FGF13: variants seen among roughly 807,000 people sequenced by gnomAD.
FGF13 encodes fibroblast growth factor homologous factor 2.
FGF13 carries 2 observed loss-of-function variants against 19.5 expected under a neutral mutation model. The ratio of observed to expected loss-of-function variants is 0.10; its 90% confidence interval spans 0.04 to 0.32. FGF13 has a LOEUF of 0.32. Ranked by LOEUF, FGF13 falls within the 10% of genes least tolerant of loss-of-function variation. FGF13 has a pLI of 1.00. For missense variants in FGF13, 113 were observed against 192.7 expected (o/e 0.59, Z 2.45); for synonymous variants, 72 against 76.9 (o/e 0.94, Z 0.33).
intron 1 of FGF13, among the ~76,000 whole-genome samples, chrX:138,995,775 G>T (rs1438576576): frequency 1.8e-5 from 2 of 112,283 alleles, no homozygotes; most frequent in African/African-American, 6.5e-5. Flanking sequence ...ACATCTGTGT[G>T]CATGTGTCTT....
chrX:139,056,767 C>T (rs2092321669), intron 1 of FGF13, among the ~76,000 whole-genome samples: 1 of 111,825 alleles, frequency 8.9e-6, no homozygotes, highest in African/African-American at 3.3e-5. Flanking sequence ...TGAAAAGTCA[C>T]TTTAAGTTTT....
chrX:139,150,550 TC>T (rs1160994106), intron 1 of FGF13, among the ~76,000 whole-genome samples: 1 of 111,694 alleles, frequency 9.0e-6, no homozygotes, highest in Non-Finnish European at 1.9e-5. Flanking sequence ...TAGTGAATCT[TC>T]TTTTTCCTGT....
chrX:138,723,806 G>T (rs941733877), intron 1 of FGF13, among the ~76,000 whole-genome samples: 4 of 112,039 alleles, frequency 3.6e-5, no homozygotes, highest in African/African-American at 1.3e-4. Context: ...TACTCAGGGG[G>T]TGATCATCTG....
At chrX:138,935,266 G>A (rs1035615780) in intron 1 of FGF13, among the ~76,000 whole-genome samples, 6 of 111,113 alleles carry the variant, frequency 5.4e-5, no homozygotes, top group South Asian at 3.8e-4. Flanking sequence ...CTGGGACGCT[G>A]AGCGTTTGAG....
At chrX:138,837,664 C>T (rs770188619) in intron 3 of FGF13, among the ~76,000 whole-genome samples, 1 of 112,062 alleles carries the variant, frequency 8.9e-6, no homozygotes, top group African/African-American at 3.2e-5. Context: ...GGAGGTTCTG[C>T]CCCATGAGGA....
intron 1 of FGF13, among the ~76,000 whole-genome samples, chrX:138,723,882 C>T (rs2090166208): frequency 9.0e-6 from 1 of 111,655 alleles, no homozygotes; most frequent in Non-Finnish European, 1.9e-5. Flanking sequence ...GGTGCTTCAA[C>T]ATATGTTATT....
At chrX:138,747,927 G>C (rs1377646355) in intron 3 of FGF13, among the ~76,000 whole-genome samples, 1 of 110,689 alleles carries the variant, frequency 9.0e-6, no homozygotes, top group African/African-American at 3.3e-5. Flanking sequence ...GCTTGACCTG[G>C]AGAGAATGGA....
intron 1 of FGF13, among the ~76,000 whole-genome samples, chrX:138,991,929 G>T (rs2092017499): frequency 9.0e-6 from 1 of 111,634 alleles, no homozygotes; most frequent in Admixed American, 9.6e-5. Context: ...CAATAAGGAG[G>T]AGTAATTCCC....
intron 1 of FGF13, among the ~76,000 whole-genome samples, chrX:138,917,559 T>C (rs2124237192): frequency 8.9e-6 from 1 of 112,115 alleles, no homozygotes; most frequent in African/African-American, 3.2e-5. Flanking sequence ...ACACTTCACT[T>C]TACTTTTTGA....
chrX:139,204,208 G>A, upstream of FGF13: 1 of 785,765 alleles, frequency 1.3e-6, no homozygotes. Flanking sequence ...TCGACCACGA[G>A]CTCCCCTCGG....
intron 1 of FGF13, among the ~76,000 whole-genome samples, chrX:139,133,157 G>C (rs994814815): frequency 2.7e-5 from 3 of 110,105 alleles, no homozygotes; most frequent in Non-Finnish European, 5.7e-5. Flanking sequence ...ATTTGACCAT[G>C]GATTCTTTCA....
At chrX:139,121,214 C>A (rs192082544) in intron 1 of FGF13, among the ~76,000 whole-genome samples, 1 of 111,970 alleles carries the variant, frequency 8.9e-6, no homozygotes, top group East Asian at 2.8e-4. Context: ...ATGAAAAGAT[C>A]AGACAGGATT....
At chrX:139,033,604 T>A (rs1025204492) in intron 1 of FGF13, among the ~76,000 whole-genome samples, 2 of 112,095 alleles carry the variant, frequency 1.8e-5, no homozygotes. Flanking sequence ...AGGGTCTTGC[T>A]TACAAGGCAA....
At chrX:138,657,710 T>C (rs1239157239) in intron 3 of FGF13, among the ~76,000 whole-genome samples, 1 of 111,894 alleles carries the variant, frequency 8.9e-6, no homozygotes, top group Non-Finnish European at 1.9e-5. Context: ...AATCCACACT[T>C]GATCTTAGCC....
At chrX:138,860,467 T>C (rs1403263544) in intron 2 of FGF13, among the ~76,000 whole-genome samples, 1 of 111,708 alleles carries the variant, frequency 9.0e-6, no homozygotes, top group Non-Finnish European at 1.9e-5. Flanking sequence ...CTTTTTTCCC[T>C]GGCTTAATGC....
chrX:138,809,391 T>A (rs1391390716), intron 3 of FGF13, among the ~76,000 whole-genome samples: 2 of 111,726 alleles, frequency 1.8e-5, no homozygotes, highest in East Asian at 5.7e-4. Context: ...GACAAAATTC[T>A]ACAGCCCTTC....
At chrX:139,159,644 C>T (rs1391877151) in intron 1 of FGF13, among the ~76,000 whole-genome samples, 5 of 32,308 alleles carry the variant, frequency 1.5e-4, no homozygotes, top group Non-Finnish European at 2.5e-4. Context: ...ATTTACCAAG[C>T]AAAGAGAAAG....
chrX:138,757,895 C>T (rs1286974568), intron 3 of FGF13, among the ~76,000 whole-genome samples: 2 of 111,597 alleles, frequency 1.8e-5, no homozygotes, highest in Admixed American at 9.5e-5. Flanking sequence ...TCTGACAAAA[C>T]GAAAATCAAG....
intron 3 of FGF13, among the ~76,000 whole-genome samples, chrX:138,789,379 A>C (rs1317603044): frequency 2.0e-5 from 2 of 100,342 alleles, no homozygotes; most frequent in Non-Finnish European, 4.0e-5. Flanking sequence ...ATGGGGTTTC[A>C]CCATGTTGGC....
Sources: allele counts gnomAD v4.1 joint callset (sites outside exome capture counted in the v4.1 genomes callset), GRCh38; gene constraint gnomAD v4.1.1; transcripts MANE v1.5; gene names NCBI Gene and HGNC (gene_info 2026-07-23, HGNC 2026-07-21).